USP49: variants seen among roughly 807,000 people sequenced by gnomAD.
USP49 encodes the protein ubiquitin carboxyl-terminal hydrolase 49.
A neutral mutation model predicts 58.6 loss-of-function variants in USP49; 24 were observed. The ratio of observed to expected loss-of-function variants is 0.41; its 90% CI spans 0.30 to 0.58. The LOEUF (loss-of-function observed/expected upper bound fraction) is 0.58, where lower values mean the gene tolerates loss of function less well. Ranked by LOEUF, USP49 falls within the 20% of genes least tolerant of loss-of-function variation. The pLI is 0.30. For synonymous variants in USP49, 408 were observed against 365.1 expected (o/e 1.12, Z -1.34); for missense variants, 703 against 866.1 (o/e 0.81, Z 2.36).
intron 3 of USP49, among the ~76,000 whole-genome samples, chr6:41,848,674 T>G (rs1773967249): frequency 1.3e-5 from 2 of 151,814 alleles, no homozygotes; most frequent in Admixed American, 1.3e-4. Flanking sequence ...CTGGCTAACA[T>G]GAAACCCCAT....
chr6:41,854,111 G>A (rs1425075125), intron 3 of USP49, among the ~76,000 whole-genome samples: 1 of 151,368 alleles, frequency 6.6e-6, no homozygotes, highest in Non-Finnish European at 1.5e-5. Flanking sequence ...GAGGTCAGGA[G>A]TTCGAGACCA....
In USP49 at chr6:41,803,388, C is replaced by T. The variant is rs1271119973; in HGVS notation, c.1561+418G>A. Among the ~76,000 whole-genome samples, 1 of 152,242 alleles carries T rather than the reference C, an allele frequency of 6.6e-6. No homozygotes were observed. Among genetic ancestry groups the T allele is most frequent in the Non-Finnish European group, 1.5e-5 (1 of 68,044 alleles). On this transcript the variant is annotated intron_variant, in intron 5 of 7. Coordinates refer to ENST00000682992, the MANE Select transcript of USP49 (RefSeq NM_001286554.2). This position sits in a 1 kb window ranked among gnomAD's most constrained non-coding sequence, Gnocchi z 4.1. ...GCGCAATCTTGGCTCACTGCACCCT[C>T]CGCTTCCTGGGTTCAACCGATTCTC...
At chr6:41,842,822 C>T (rs186592688) in intron 3 of USP49, among the ~76,000 whole-genome samples, 9 of 150,764 alleles carry the variant, frequency 6.0e-5, no homozygotes, top group Admixed American at 4.6e-4. Context: ...TTTTATTCCA[C>T]TATTTAGTCA....
intron 3 of USP49, among the ~76,000 whole-genome samples, chr6:41,815,943 T>G (rs2127330410): frequency 6.6e-6 from 1 of 152,182 alleles, no homozygotes; most frequent in South Asian, 2.1e-4. Context: ...GAAAAAGGAG[T>G]AGAGTTCATC....
At chr6:41,820,949 T>C (rs986937255) in intron 3 of USP49, among the ~76,000 whole-genome samples, 1 of 152,094 alleles carries the variant, frequency 6.6e-6, no homozygotes, top group African/African-American at 2.4e-5. Context: ...TGCAGTGAGC[T>C]GTGATTGTGC....
rs925376807 is a variant in USP49 at position 41,792,478 on chromosome 6, C to G, written c.*4055G>C. 6.6e-6 allele frequency: 1 copy of G among 152,190 alleles called. No homozygotes were observed. The highest frequency in any genetic ancestry group is 1.5e-5 in the Non-Finnish European group (1 of 68,040). 9.4% of individuals were successfully genotyped at this position (152,190 alleles called of 1,614,324 possible). ...CCTGGGAAAGCAACCCTTCCACTCA[C>G]AAGAGGTAACCTCAGATAGGGATAT... On this transcript the variant is annotated 3_prime_UTR_variant, in exon 8 of 8. Coordinates refer to ENST00000682992, the MANE Select transcript of USP49 (RefSeq NM_001286554.2).
intron 3 of USP49, among the ~76,000 whole-genome samples, chr6:41,822,289 GAC>G (rs971217507): frequency 4.6e-5 from 7 of 152,142 alleles, no homozygotes; most frequent in Admixed American, 1.3e-4. Flanking sequence ...TTGTATGGCA[GAC>G]ACATATACAT....
chr6:41,864,881 A>G (rs1360576596), intron 3 of USP49, among the ~76,000 whole-genome samples: 2 of 152,128 alleles, frequency 1.3e-5, no homozygotes. Context: ...GAGCCAAGTC[A>G]TATCTTTTTG....
intron 3 of USP49, among the ~76,000 whole-genome samples, chr6:41,857,711 A>G (rs1056956806): frequency 2.0e-5 from 3 of 152,196 alleles, no homozygotes; most frequent in Admixed American, 1.3e-4. Context: ...CACACCCAAG[A>G]TTATGGCATG....
chr6:41,854,256 G>C (rs1774087047), intron 3 of USP49, among the ~76,000 whole-genome samples: 1 of 148,018 alleles, frequency 6.8e-6, no homozygotes, highest in South Asian at 2.1e-4. Flanking sequence ...GGCGGAGGTT[G>C]CAGTGAGCCA....
At chr6:41,854,101 G>A (rs1256165115) in intron 3 of USP49, among the ~76,000 whole-genome samples, 2 of 151,074 alleles carry the variant, frequency 1.3e-5, no homozygotes, top group African/African-American at 4.9e-5. Context: ...TGGATCACCT[G>A]AGGTCAGGAG....
chr6:41,800,520 T>C (rs183733764), intron 5 of USP49, among the ~76,000 whole-genome samples: 28 of 152,358 alleles, frequency 1.8e-4, no homozygotes, highest in Admixed American at 2.0e-4. Context: ...AGCAAGCACA[T>C]AGAGTAGAAG....
chr6:41,838,824 T>C (rs1773770859), intron 3 of USP49, among the ~76,000 whole-genome samples: 1 of 152,130 alleles, frequency 6.6e-6, no homozygotes, highest in African/African-American at 2.4e-5. Flanking sequence ...AGACCACATA[T>C]AGGTCACAAA....
At chr6:41,888,445 G>GT (rs1177682792) in intron 2 of USP49, among the ~76,000 whole-genome samples, 1 of 151,866 alleles carries the variant, frequency 6.6e-6, no homozygotes, top group Non-Finnish European at 1.5e-5. Flanking sequence ...CACAAGTGCT[G>GT]TTTTTTTGTT....
Position 41,795,645 on chromosome 6 carries a change from A to T in USP49, c.*888T>A, listed in dbSNP as rs967481580. On this transcript the variant is annotated 3_prime_UTR_variant, in exon 8 of 8. Transcript: ENST00000682992. ...GTGACAGGCCTTCAATAAGCCCTGG[A>T]GCATCAGCTATCTCTGCCCACCCTC... is the stretch of plus-strand genomic sequence containing the variant. The T allele has an allele frequency of 1.1e-4, 17 of 152,362 alleles. No individual in the cohort carries two copies. The highest frequency in any genetic ancestry group is 4.1e-4 in the African/African-American group (17 of 41,580). 9.4% of individuals were successfully genotyped at this position (152,362 alleles called of 1,614,324 possible).
chr6:41,848,058 G>T (rs949681503), intron 3 of USP49, among the ~76,000 whole-genome samples: 29 of 152,230 alleles, frequency 1.9e-4, no homozygotes, highest in African/African-American at 5.1e-4. Flanking sequence ...ACATACAAGG[G>T]AGTTTCCATT....
chr6:41,888,612 CCTGT>C (rs1012056594), intron 2 of USP49, among the ~76,000 whole-genome samples: 6 of 151,926 alleles, frequency 3.9e-5, no homozygotes, highest in African/African-American at 1.5e-4. Flanking sequence ...CGCCACCACA[CCTGT>C]CTAATTTTGT....
At chr6:41,826,866 C>T (rs1208512486) in intron 3 of USP49, among the ~76,000 whole-genome samples, 3 of 152,124 alleles carry the variant, frequency 2.0e-5, no homozygotes, top group African/African-American at 2.4e-5. Flanking sequence ...CAGTAAGAGG[C>T]GAGCATCCTC....
At chr6:41,828,813 A>G (rs1194024419) in intron 3 of USP49, among the ~76,000 whole-genome samples, 2 of 151,252 alleles carry the variant, frequency 1.3e-5, no homozygotes, top group Non-Finnish European at 2.9e-5. Context: ...AGTTTCTTCT[A>G]AAAGTTTGAA....
Sources: gnomAD v4.1 joint callset for allele counts (sites outside exome capture counted in the v4.1 genomes callset) on GRCh38, gnomAD v4.1.1 for gene constraint, Gnocchi (gnomAD v3.1) non-coding constraint, MANE v1.5 for transcripts, NCBI Gene and HGNC (gene_info 2026-07-23, HGNC 2026-07-21) for gene names.